NTSR1: variants seen among roughly 807,000 people sequenced by gnomAD.
NTSR1 encodes the protein neurotensin receptor 1.
A neutral mutation model predicts 31.2 loss-of-function variants in NTSR1; 29 were observed. The ratio of observed to expected loss-of-function variants is 0.93; its 90% CI spans 0.69 to 1.27. NTSR1 has a LOEUF of 1.27. Among genes scored for constraint, NTSR1 ranks in the 50% most tolerant of loss-of-function variants. The pLI, the probability that NTSR1 is intolerant of heterozygous loss-of-function variation, is 0.00. For missense variants in NTSR1, 697 were observed against 595.4 expected (o/e 1.17, Z -1.78); for synonymous variants, 282 against 269.9 (o/e 1.04, Z -0.44).
rs113347694 is a variant in NTSR1 at position 62,744,516 on chromosome 20, C to T, written c.715-10169C>T. 0.012 allele frequency among the ~76,000 whole-genome samples: 1,851 copies of T among 150,486 alleles called. 46 individuals are homozygous for T. Among genetic ancestry groups the T allele is most frequent in the African/African-American group, 0.042 (1,722 of 40,844 alleles). On this transcript the variant is annotated intron_variant, in intron 1 of 3. Transcript: ENST00000370501. The surrounding 1 kb of genome is among the most constrained non-coding windows in gnomAD (Gnocchi z 4.1). ...CTTGCAATGAGCTGAGATCACACCA[C>T]TGCACTCCAGCCTGGGTGACAGAAC...
chr20:62,751,696 C>T (rs1322316664), intron 1 of NTSR1, among the ~76,000 whole-genome samples: 1 of 152,244 alleles, frequency 6.6e-6, no homozygotes, highest in African/African-American at 2.4e-5. Flanking sequence ...GAGGGCCTAC[C>T]CAGGCCTTTT....
intron 1 of NTSR1, among the ~76,000 whole-genome samples, chr20:62,751,782 C>T (rs931465311): frequency 2.0e-5 from 3 of 152,214 alleles, no homozygotes; most frequent in African/African-American, 4.8e-5. Context: ...GGGAAGGAGG[C>T]GGGTGGGACA....
In NTSR1 at chr20:62,711,316, G is replaced by T. The variant is rs1252475483; in HGVS notation, c.714+1395G>T. On this transcript the variant is annotated intron_variant, in intron 1 of 3. Transcript: ENST00000370501. This position sits in a 1 kb window ranked among gnomAD's most constrained non-coding sequence, Gnocchi z 6.4. The stretch of plus-strand genomic sequence containing the variant: ...GTCCCTCCCCTCACCAGAGGCAGAA[G>T]TAGGCACGGCCTGTGGGGTAAACAC... 6.6e-6 allele frequency among the ~76,000 whole-genome samples: 1 copy of T among 152,194 alleles called. No individual in the cohort carries two copies. Among genetic ancestry groups the T allele is most frequent in the Admixed American group, 6.5e-5 (1 of 15,284 alleles).
At chr20:62,754,529 G>C (rs535266777) in intron 1 of NTSR1, among the ~76,000 whole-genome samples, 156 bp from the exon 2 acceptor site, 1 of 152,188 alleles carries the variant, frequency 6.6e-6, no homozygotes, top group African/African-American at 2.4e-5. Context: ...CATGTCTTCC[G>C]GGCAGCCGGG....
Position 62,742,782 on chromosome 20 carries a change from C to T in NTSR1, c.715-11903C>T, listed in dbSNP as rs1157502558. 6.0e-5 allele frequency among the ~76,000 whole-genome samples: 9 copies of T among 149,182 alleles called. No homozygotes were observed. The highest frequency in any genetic ancestry group is 1.2e-4 in the Non-Finnish European group (8 of 67,974). On this transcript the variant is annotated intron_variant, in intron 1 of 3. Coordinates refer to ENST00000370501, the MANE Select transcript of NTSR1 (RefSeq NM_002531.3). This position sits in a 1 kb window ranked among gnomAD's most constrained non-coding sequence, Gnocchi z 7.1. ...TTAAAGACCCCTTTGCTCTCTTGGC[C>T]CTGGCACCCCACCTCTGGCATGGGG...
Position 62,715,337 on chromosome 20 carries a change from C to G in NTSR1, c.714+5416C>G, listed in dbSNP as rs766511172. On this transcript the variant is annotated intron_variant, in intron 1 of 3. Transcript: ENST00000370501. The surrounding 1 kb of genome is among the most constrained non-coding windows in gnomAD (Gnocchi z 4.7). The stretch of plus-strand genomic sequence containing the variant: ...GCAGACATGCGGGTCCACCTCTGTA[C>G]CCCGTAACCCCGTTTCCCAGATGAA... Among the ~76,000 whole-genome samples, 1 of 152,160 alleles carries G rather than the reference C, an allele frequency of 6.6e-6. No homozygotes were observed. The highest frequency in any genetic ancestry group is 2.4e-5 in the African/African-American group (1 of 41,420).
At position 62,749,314 on chromosome 20, in the gene NTSR1, G is replaced by A. The variant is rs551468841; in HGVS notation, c.715-5371G>A. Among the ~76,000 whole-genome samples the A allele has an allele frequency of 5.3e-5, 8 of 152,212 alleles. No homozygotes were observed. The East Asian group carries it at 1.4e-3, about 26-fold the overall frequency. On this transcript the variant is annotated intron_variant, in intron 1 of 3. Transcript: ENST00000370501. ...AAATTAGCCGGGTGTGGTGGCGGGCGCCTGTAGTCCCAGCTACTCGAGAGC... is the reference window on the plus strand; with the variant it reads ...AAATTAGCCGGGTGTGGTGGCGGGCACCTGTAGTCCCAGCTACTCGAGAGC...
At chr20:62,754,036 A>G (rs1989436770) in intron 1 of NTSR1, among the ~76,000 whole-genome samples, 1 of 152,118 alleles carries the variant, frequency 6.6e-6, no homozygotes, top group Non-Finnish European at 1.5e-5. Flanking sequence ...CCTGTCCAGG[A>G]CTCGGATCAG....
intron 1 of NTSR1, among the ~76,000 whole-genome samples, chr20:62,754,143 C>T (rs909596995): frequency 6.6e-6 from 1 of 152,124 alleles, no homozygotes; most frequent in African/African-American, 2.4e-5. Flanking sequence ...GGCCCTATAC[C>T]TTTCAATGCT....
At chr20:62,747,413 C>A in intron 1 of NTSR1, among the ~76,000 whole-genome samples, 1 of 134,962 alleles carries the variant, frequency 7.4e-6, no homozygotes, top group South Asian at 2.7e-4. Context: ...ACAGCTAACA[C>A]CACACTCAGT....
chr20:62,752,247 G>A lies in NTSR1; in HGVS notation c.715-2438G>A, dbSNP rs565906262. Among the ~76,000 whole-genome samples the A allele has an allele frequency of 9.5e-4, 144 of 152,248 alleles. 2 individuals carry two copies. The highest frequency in any genetic ancestry group is 3.4e-3 in the African/African-American group (142 of 41,542). On this transcript the variant is annotated intron_variant, in intron 1 of 3. Coordinates refer to ENST00000370501, the MANE Select transcript of NTSR1 (RefSeq NM_002531.3). ...CGCAGGCTTTCCTCCGAGTCCCCGCGCTGCCGATGGACGTGCTCCCTTTGC... is the reference window on the plus strand; with the variant it reads ...CGCAGGCTTTCCTCCGAGTCCCCGCACTGCCGATGGACGTGCTCCCTTTGC...
rs1161379494 is a variant in NTSR1 at position 62,708,996 on chromosome 20, G to A, written c.-212G>A. ...GTTCTGGAGCTAGGAGCCGGAAGCTGGGAGTCCGGAGGAGAGCGGAGCCCG... is the reference window on the plus strand; with the variant it reads ...GTTCTGGAGCTAGGAGCCGGAAGCTAGGAGTCCGGAGGAGAGCGGAGCCCG... On this transcript the variant is annotated 5_prime_UTR_variant, in exon 1 of 4. Coordinates refer to ENST00000370501, the MANE Select transcript of NTSR1 (RefSeq NM_002531.3). The surrounding 1 kb of genome is among the most constrained non-coding windows in gnomAD (Gnocchi z 5.9). 4 of 442,380 alleles carry A rather than the reference G, an allele frequency of 9.0e-6. No homozygotes were observed. The highest frequency in any genetic ancestry group is 1.6e-5 in the Non-Finnish European group (4 of 254,284). 27.4% of individuals were successfully genotyped at this position (442,380 alleles called of 1,614,324 possible).
At chr20:62,749,407 C>T (rs976880146) in intron 1 of NTSR1, among the ~76,000 whole-genome samples, 8 of 152,156 alleles carry the variant, frequency 5.3e-5, no homozygotes, top group African/African-American at 1.7e-4. Context: ...AAGATCTAAA[C>T]ATAAAACCTG....
intron 1 of NTSR1, among the ~76,000 whole-genome samples, chr20:62,749,617 T>C (rs1989359229): frequency 6.6e-6 from 1 of 152,038 alleles, no homozygotes; most frequent in South Asian, 2.1e-4. Flanking sequence ...AAATAACCCA[T>C]TTAAAAATGG....
intron 1 of NTSR1, among the ~76,000 whole-genome samples, chr20:62,739,865 G>A (rs577743232): frequency 7.2e-5 from 11 of 152,368 alleles, no homozygotes; most frequent in African/African-American, 2.2e-4. Flanking sequence ...GGCGGGGTGC[G>A]GGACGCATAT....
chr20:62,735,477 A>C (rs73918657), intron 1 of NTSR1: 17,372 of 152,246 alleles, frequency 0.11, 2,425 homozygotes, highest in African/African-American at 0.31. Context: ...GACTGCCACT[A>C]TACAACAAAG....
intron 1 of NTSR1, among the ~76,000 whole-genome samples, chr20:62,730,413 T>C (rs914799077): frequency 6.6e-6 from 1 of 152,236 alleles, no homozygotes; most frequent in African/African-American, 2.4e-5. Context: ...TCTCCCTGTC[T>C]TTTCATGGCT....
chr20:62,725,833 G>A (rs1193572681), intron 1 of NTSR1, among the ~76,000 whole-genome samples: 2 of 152,012 alleles, frequency 1.3e-5, no homozygotes, highest in Admixed American at 6.5e-5. Flanking sequence ...GGTTGGAGGA[G>A]TGAGGGGGAG....
chr20:62,754,967 TG>T, intron 2 of NTSR1, 81 bp downstream of exon 2: 1 of 1,361,110 alleles, frequency 7.3e-7, no homozygotes, highest in Non-Finnish European at 9.9e-7. Context: ...ACCCCAAGCC[TG>T]GGCAAGGTTT....
Sources: gnomAD v4.1 joint callset for allele counts (sites outside exome capture counted in the v4.1 genomes callset) on GRCh38, gnomAD v4.1.1 for gene constraint, Gnocchi (gnomAD v3.1) non-coding constraint, MANE v1.5 for transcripts, NCBI Gene and HGNC (gene_info 2026-07-23, HGNC 2026-07-21) for gene names.